LRP1B: variants seen among roughly 807,000 people sequenced by gnomAD.
LRP1B encodes LDL receptor related protein 1B, also known as low-density lipoprotein receptor-related protein 1B.
In LRP1B, 217 loss-of-function variants were observed where a neutral mutation model predicts 556.6. The observed-to-expected ratio is 0.39, with a 90% CI of 0.35 to 0.44. LRP1B has a LOEUF of 0.44. Among genes scored for constraint, LRP1B ranks in the 20% least tolerant of loss-of-function variants. LRP1B has a pLI of 1.00. For synonymous variants in LRP1B, 2,047 were observed against 1,865.8 expected (o/e 1.10, Z -2.50); for missense variants, 5,053 against 5,620.8 (o/e 0.90, Z 3.23).
At chr2:141,563,931 G>T (rs751128531) in intron 2 of LRP1B, among the ~76,000 whole-genome samples, 1 of 152,006 alleles carries the variant, frequency 6.6e-6, no homozygotes, top group Non-Finnish European at 1.5e-5. Flanking sequence ...AACTATCTAG[G>T]TGAAGGGATC....
intron 3 of LRP1B, among the ~76,000 whole-genome samples, chr2:141,449,123 C>T (rs1463964919): frequency 6.6e-6 from 1 of 152,066 alleles, no homozygotes; most frequent in African/African-American, 2.4e-5. Flanking sequence ...TTTGTTAAAT[C>T]AAGTAGCATA....
rs1694784473 is a variant in LRP1B at position 140,922,983 on chromosome 2, A to C, written c.3301T>G (p.Phe1101Val). The change falls in exon 21 of 91, where the codon TTT (phenylalanine) becomes GTT (valine). Residue 1101 changes from phenylalanine to valine, a missense_variant. Physicochemically the swap from Phe to Val is conservative, Grantham distance 50. Around this residue, in one of 5 missense-constraint regions of LRP1B, gnomAD observed 3,619 missense variants for 3,931.9 expected, o/e 0.92. Coordinates refer to ENST00000389484, the MANE Select transcript of LRP1B (RefSeq NM_018557.3). Reference sequence around the variant, plus strand: ...CACTTACCTGTACTCCAACAGGAAAACTTGGTTTTGTGGTCACACAATCGT... The same window carrying C: ...CACTTACCTGTACTCCAACAGGAAACCTTGGTTTTGTGGTCACACAATCGT... ...TIRLCDHKTK[F>V]SCWSTGRCIN... The C allele has an allele frequency of 6.2e-7, 1 of 1,612,234 alleles. No individual in the cohort carries two copies. Among genetic ancestry groups the C allele is most frequent in the Non-Finnish European group, 8.5e-7 (1 of 1,179,004 alleles).
intron 28 of LRP1B, among the ~76,000 whole-genome samples, chr2:140,850,641 C>T (rs1312986062): frequency 6.6e-6 from 1 of 152,072 alleles, no homozygotes; most frequent in Non-Finnish European, 1.5e-5. Flanking sequence ...TGTCGGATAC[C>T]ATATTTGTAC....
chr2:140,769,404 C>A (rs2104935390), intron 34 of LRP1B, 60 bp from the exon 35 acceptor site: 1 of 1,422,484 alleles, frequency 7.0e-7, no homozygotes, highest in Non-Finnish European at 9.5e-7. Flanking sequence ...ATTTAAAATA[C>A]AAATAATTTC....
chr2:142,055,562 C>A (rs1210246750), intron 1 of LRP1B, among the ~76,000 whole-genome samples: 1 of 152,168 alleles, frequency 6.6e-6, no homozygotes, highest in Non-Finnish European at 1.5e-5. Context: ...TATAAACATT[C>A]TTCTAGCTCC....
chr2:141,141,209 G>T (rs73962828), intron 7 of LRP1B, among the ~76,000 whole-genome samples: 1 of 152,078 alleles, frequency 6.6e-6, no homozygotes, highest in African/African-American at 2.4e-5. Context: ...ATGGTTAATC[G>T]TCGGACAAAT....
chr2:141,811,600 T>G (rs1696360614), intron 1 of LRP1B, among the ~76,000 whole-genome samples: 1 of 152,118 alleles, frequency 6.6e-6, no homozygotes. Flanking sequence ...AATCTACAGA[T>G]GTAGGGTATA....
At chr2:140,708,506 GTA>G (rs35928135) in intron 37 of LRP1B, among the ~76,000 whole-genome samples, 30,910 of 149,806 alleles carry the variant, frequency 0.21, 3,555 homozygotes, top group African/African-American at 0.31. Context: ...TTATATATAT[GTA>G]TATATATATA....
intron 31 of LRP1B, among the ~76,000 whole-genome samples, chr2:140,824,109 G>A (rs1358529140): frequency 1.6e-5 from 2 of 128,552 alleles, no homozygotes; most frequent in East Asian, 2.3e-4. Flanking sequence ...TAAAAAAATA[G>A]CAAAAGGAAT....
chr2:141,194,682 C>T (rs182923073), intron 6 of LRP1B, among the ~76,000 whole-genome samples: 1 of 152,192 alleles, frequency 6.6e-6, no homozygotes, highest in East Asian at 1.9e-4. Flanking sequence ...GTATATCATT[C>T]GGTTCAGCCT....
intron 3 of LRP1B, among the ~76,000 whole-genome samples, chr2:141,365,880 A>G (rs1425891621): frequency 5.9e-5 from 9 of 151,918 alleles, no homozygotes; most frequent in African/African-American, 1.9e-4. Context: ...TCACCGTGTT[A>G]GCCAGGATGG....
At chr2:141,916,068 T>C (rs1420211732) in intron 1 of LRP1B, among the ~76,000 whole-genome samples, 81 of 152,288 alleles carry the variant, frequency 5.3e-4, no homozygotes, top group Non-Finnish European at 1.3e-4. Context: ...AGCAAACCCA[T>C]TGTTGGGCAT....
intron 35 of LRP1B, among the ~76,000 whole-genome samples, chr2:140,747,237 A>G (rs1176362537): frequency 6.6e-6 from 1 of 152,196 alleles, no homozygotes; most frequent in Non-Finnish European, 1.5e-5. Context: ...TGAGATGGAA[A>G]GAATGCTGGG....
intron 3 of LRP1B, among the ~76,000 whole-genome samples, chr2:141,281,443 CTT>C (rs1298446757): frequency 2.0e-5 from 3 of 151,968 alleles, no homozygotes; most frequent in South Asian, 2.1e-4. Flanking sequence ...TAAAATGAGT[CTT>C]ATATAAATAT....
At chr2:140,366,358 TTAAA>T (rs1682760673) in intron 71 of LRP1B, among the ~76,000 whole-genome samples, 1 of 151,638 alleles carries the variant, frequency 6.6e-6, no homozygotes, top group African/African-American at 2.4e-5. Flanking sequence ...GTATTGTTCA[TTAAA>T]TAAAGGAACA....
At chr2:141,782,238 GA>G (rs1378170902) in intron 2 of LRP1B, among the ~76,000 whole-genome samples, 1 of 151,928 alleles carries the variant, frequency 6.6e-6, no homozygotes, top group Non-Finnish European at 1.5e-5. Flanking sequence ...TTGTTTTTTT[GA>G]AGTATATCTC....
At chr2:140,238,359 A>C in intron 88 of LRP1B, 63 bp from the exon 89 acceptor site, 1 of 789,040 alleles carries the variant, frequency 1.3e-6, no homozygotes, top group Non-Finnish European at 1.9e-6. Flanking sequence ...AGGCATATGA[A>C]ATTATATTTA....
chr2:140,890,138 T>C (rs1041081578), intron 23 of LRP1B, among the ~76,000 whole-genome samples: 2 of 151,214 alleles, frequency 1.3e-5, no homozygotes, highest in African/African-American at 2.4e-5. Flanking sequence ...GGGTACATAA[T>C]GTATATAACT....
chr2:140,456,671 A>C, intron 61 of LRP1B, 68 bp from the exon 62 acceptor site: 1 of 1,426,618 alleles, frequency 7.0e-7, no homozygotes, highest in African/African-American at 1.4e-5. Flanking sequence ...ACATGGGATT[A>C]GAGATAGGAC....
Sources: allele counts gnomAD v4.1 joint callset (sites outside exome capture counted in the v4.1 genomes callset), GRCh38; gene constraint gnomAD v4.1.1; regional missense constraint gnomAD v4.1.1; transcripts MANE v1.5; gene names NCBI Gene and HGNC (gene_info 2026-07-23, HGNC 2026-07-21).